The following PRDM9 variants were observed in gnomAD, a reference collection of about 807,000 sequenced individuals.
The protein encoded by PRDM9 is histone-lysine N-methyltransferase PRDM9.
PRDM9 carries 47 observed loss-of-function variants against 55.6 expected under a neutral mutation model. The observed-to-expected ratio is 0.85, with a 90% CI of 0.67 to 1.08. PRDM9 has a LOEUF of 1.08. Ranked by LOEUF, PRDM9 falls within the 50% of genes least tolerant of loss-of-function variation. The pLI is 0.00. For synonymous variants in PRDM9, 312 were observed against 375.7 expected (o/e 0.83, Z 1.96); for missense variants, 867 against 1,040.3 (o/e 0.83, Z 2.29).
chr5:23,523,368 G>A lies in PRDM9; in HGVS notation c.950+10G>A. On this transcript the variant is annotated intron_variant, in intron 9 of 10. Coordinates refer to ENST00000296682, the MANE Select transcript of PRDM9 (RefSeq NM_020227.4). ...GGGCCAACTGGATGAGGTAAGGCCA[G>A]TAGCTCTCTGAGTTGCAGAGAGAAC... 1 of 1,608,020 alleles carries A rather than the reference G, an allele frequency of 6.2e-7. No homozygotes were observed. The highest frequency in any genetic ancestry group is 8.5e-7 in the Non-Finnish European group (1 of 1,174,430).
Position 23,526,630 on chromosome 5 carries a change from G to C in PRDM9, c.1542G>C (p.Val514=). 6.2e-7 allele frequency: 1 copy of C among 1,614,230 alleles called. No individual in the cohort carries two copies. Among genetic ancestry groups the C allele is most frequent in the Non-Finnish European group, 8.5e-7 (1 of 1,180,046 alleles). ...VNPGNTGKLF[V]GVGISRIAKV... ...CAGGGAACACAGGCAAATTATTTGT[G>C]GGGGTAGGAATCTCAAGAATTGCAA... The change falls in exon 11 of 11, where the codon GTG becomes GTC. Residue 514 remains valine, a synonymous_variant. Coordinates refer to ENST00000296682, the MANE Select transcript of PRDM9 (RefSeq NM_020227.4).
intron 8 of PRDM9, 125 bp from the exon 9 acceptor site, chr5:23,523,166 A>G (rs1259014511): frequency 3.3e-6 from 4 of 1,198,612 alleles, no homozygotes; most frequent in Admixed American, 1.9e-5. Context: ...TAAGGTGCAT[A>G]CCATGTGGTC....
chr5:23,524,484 C>A lies in PRDM9; in HGVS notation c.1101C>A (p.Ile367=). The change falls in exon 10 of 11, where the codon ATC becomes ATA. Residue 367 remains isoleucine, a synonymous_variant. Coordinates refer to ENST00000296682, the MANE Select transcript of PRDM9 (RefSeq NM_020227.4). ...ATGAATACGGCCAGGAACTGGGCAT[C>A]AAGTGGGGCAGCAAGTGGAAGAAAG... ...YGDEYGQELG[I]KWGSKWKKEL... The A allele has an allele frequency of 6.2e-7, 1 of 1,613,782 alleles. No homozygotes were observed. The highest frequency in any genetic ancestry group is 8.5e-7 in the Non-Finnish European group (1 of 1,179,858).
upstream of PRDM9, chr5:23,507,543 T>C (rs1198231010): frequency 6.6e-6 from 1 of 152,220 alleles, no homozygotes; most frequent in Non-Finnish European, 1.5e-5. Flanking sequence ...CTCGCCTTGG[T>C]CTCCGTGCTG....
rs760019625 is a variant in PRDM9, at chr5:23,522,372, G to A, written c.577G>A (p.Glu193Lys). The A allele has an allele frequency of 6.2e-7, 1 of 1,614,152 alleles. No homozygotes were observed. The highest frequency in any genetic ancestry group is 8.5e-7 in the Non-Finnish European group (1 of 1,180,008). The change falls in exon 7 of 11, where the codon GAG becomes AAG. Residue 193 changes from glutamate to lysine, a missense_variant. Glu to Lys is a moderately conservative substitution (Grantham distance 56, BLOSUM62 1). Around this residue, in one of 5 missense-constraint regions of PRDM9, gnomAD observed 662 missense variants for 711.9 expected, o/e 0.93. Transcript: ENST00000296682. ...LRERKGHAYK[E>K]VSEPQDDDYL... ...AGAAAGAAAGGGTCATGCATACAAA[G>A]AGGTCAGCGAGCCGCAGGATGATGA...
At chr5:23,515,997 C>A (rs149654357) in intron 4 of PRDM9, among the ~76,000 whole-genome samples, 222 of 152,270 alleles carry the variant, frequency 1.5e-3, no homozygotes, top group African/African-American at 5.1e-3. Flanking sequence ...TATTCTGAGT[C>A]CTTAGAGATT....
chr5:23,513,884 A>T (rs962024199), intron 4 of PRDM9, among the ~76,000 whole-genome samples: 1 of 152,104 alleles, frequency 6.6e-6, no homozygotes, highest in Admixed American at 6.6e-5. Context: ...GTGTCAAAAC[A>T]AAAACAAAAA....
intron 8 of PRDM9, 53 bp from the exon 9 acceptor site, chr5:23,523,238 T>C: frequency 6.4e-7 from 1 of 1,562,924 alleles, no homozygotes; most frequent in Admixed American, 1.7e-5. Context: ...GTAAAATAAT[T>C]CTTCTGATTT....
chr5:23,512,015 A>G (rs950367620), intron 4 of PRDM9, among the ~76,000 whole-genome samples: 12 of 151,882 alleles, frequency 7.9e-5, no homozygotes, highest in African/African-American at 2.9e-4. Context: ...CATTGTTAAT[A>G]CATCATAGAA....
chr5:23,515,067 G>A (rs889676206), intron 4 of PRDM9, among the ~76,000 whole-genome samples: 5 of 151,102 alleles, frequency 3.3e-5, no homozygotes, highest in Non-Finnish European at 7.4e-5. Flanking sequence ...GGGTTCCACC[G>A]ATTATTCTGC....
chr5:23,515,956 C>T (rs1200301628), intron 4 of PRDM9, among the ~76,000 whole-genome samples: 1 of 152,170 alleles, frequency 6.6e-6, no homozygotes, highest in Non-Finnish European at 1.5e-5. Flanking sequence ...AGGCCTTTAA[C>T]TTTATTCTTC....
chr5:23,514,404 A>T (rs778019678), intron 4 of PRDM9, among the ~76,000 whole-genome samples: 11 of 152,186 alleles, frequency 7.2e-5, no homozygotes, highest in Non-Finnish European at 1.0e-4. Context: ...CACATCAGGA[A>T]GGAGAAGGAA....
At chr5:23,507,316 G>C (rs551534186), upstream of PRDM9, 1 of 152,504 alleles carries the variant, frequency 6.6e-6, no homozygotes, top group African/African-American at 2.4e-5. Context: ...CACCGGAGTT[G>C]GGGAAAACCA....
At chr5:23,509,747 G>A (rs1739053123) in intron 3 of PRDM9, among the ~76,000 whole-genome samples, 154 bp downstream of exon 3, 1 of 152,216 alleles carries the variant, frequency 6.6e-6, no homozygotes, top group East Asian at 1.9e-4. Flanking sequence ...TTGCGTCAGT[G>A]CAGGGCTGAG....
At chr5:23,510,315 C>G (rs1262616055) in intron 4 of PRDM9, among the ~76,000 whole-genome samples, 1 of 151,900 alleles carries the variant, frequency 6.6e-6, no homozygotes, top group Non-Finnish European at 1.5e-5. Flanking sequence ...CCCATCTTGG[C>G]CTTCCAAGGT....
intron 5 of PRDM9, among the ~76,000 whole-genome samples, chr5:23,519,774 T>TGG (rs1169481318): frequency 2.0e-5 from 3 of 151,766 alleles, no homozygotes; most frequent in African/African-American, 7.3e-5. Context: ...CCAGGGGCAG[T>TGG]GGCTTACACC....
At position 23,526,692 on chromosome 5, in the gene PRDM9, T is replaced by C. The variant is rs768582281; in HGVS notation, c.1604T>C (p.Val535Ala). ...GGAGAGTGTGGACAAGGTTTCAGTG[T>C]TAAATCAGATGTTATTACACACCAA... is the stretch of plus-strand genomic sequence containing the variant. ...KYGECGQGFS[V>A]KSDVITHQRT... Residue 535 changes from valine to alanine, a missense_variant, in exon 11 of 11, where the codon GTT becomes GCT. Physicochemically the swap from Val to Ala is moderately conservative, Grantham distance 64. Coordinates refer to ENST00000296682, the MANE Select transcript of PRDM9 (RefSeq NM_020227.4). The C allele has an allele frequency of 5.0e-6, 8 of 1,614,238 alleles. No homozygotes were observed. Among genetic ancestry groups the C allele is most frequent in the Admixed American group, 1.7e-5 (1 of 60,024 alleles).
intron 4 of PRDM9, among the ~76,000 whole-genome samples, chr5:23,514,156 C>G (rs1291928633): frequency 6.6e-6 from 1 of 152,150 alleles, no homozygotes; most frequent in Non-Finnish European, 1.5e-5. Context: ...ATTTATGTAT[C>G]TTCTTTTGAG....
At position 23,526,551 on chromosome 5, in the gene PRDM9, G is replaced by A; in HGVS notation, c.1463G>A (p.Arg488Lys). 6.2e-7 allele frequency: 1 copy of A among 1,614,220 alleles called. No individual in the cohort carries two copies. The highest frequency in any genetic ancestry group is 1.3e-5 in the African/African-American group (1 of 75,068). Residue 488 changes from arginine (R) to lysine (K), a missense_variant, in exon 11 of 11, where the codon AGA becomes AAA. Physicochemically the swap from Arg to Lys is conservative, Grantham distance 26. Transcript: ENST00000296682. Reference sequence around the variant, plus strand: ...CCCAAAGGACAAATGGGGAGCTGTAGAGTGGGAAAAAGAATAATGGAAGAA... The same window carrying A: ...CCCAAAGGACAAATGGGGAGCTGTAAAGTGGGAAAAAGAATAATGGAAGAA... Reference protein sequence around the residue: ...SPPKGQMGSCRVGKRIMEEES... With the variant: ...SPPKGQMGSCKVGKRIMEEES...
Sources: allele counts gnomAD v4.1 joint callset (sites outside exome capture counted in the v4.1 genomes callset), GRCh38; gene constraint gnomAD v4.1.1; regional missense constraint gnomAD v4.1.1; transcripts MANE v1.5; gene names NCBI Gene and HGNC (gene_info 2026-07-23, HGNC 2026-07-21).